RALY: variants seen among roughly 807,000 people sequenced by gnomAD.
RALY encodes the protein RNA-binding protein Raly.
Under a neutral mutation model 30.7 loss-of-function variants are expected in RALY, and 15 were observed. The ratio of observed to expected loss-of-function variants is 0.49; its 90% CI spans 0.33 to 0.75. RALY has a LOEUF of 0.75. Ranked by LOEUF, RALY falls within the 30% of genes least tolerant of loss-of-function variation. RALY has a pLI of 0.02. For missense variants in RALY, 339 were observed against 414.3 expected (o/e 0.82, Z 1.58); for synonymous variants, 177 against 170.8 (o/e 1.04, Z -0.28).
chr20:34,076,938 A>T (rs2033897389), intron 7 of RALY, 90 bp from the exon 8 acceptor site: 2 of 1,603,100 alleles, frequency 1.2e-6, no homozygotes, highest in Non-Finnish European at 1.7e-6. Flanking sequence ...TGCACTCACC[A>T]TGCTGAGGCC....
At chr20:34,053,383 ATTTT>A (rs60912814) in intron 2 of RALY, among the ~76,000 whole-genome samples, 59 of 54,138 alleles carry the variant, frequency 1.1e-3, no homozygotes, top group African/African-American at 2.0e-3. Flanking sequence ...ATGTTCAATA[ATTTT>A]TTTTTTTTTT....
chr20:34,025,056 G>A (rs547228876), intron 1 of RALY, among the ~76,000 whole-genome samples: 1 of 152,338 alleles, frequency 6.6e-6, no homozygotes, highest in South Asian at 2.1e-4. Context: ...CCTTTGCCCT[G>A]TGCCAGTCTT....
Position 34,078,390 on chromosome 20 carries a change from A to T in RALY, c.877-115A>T, listed in dbSNP as rs570692568. On this transcript the variant is annotated intron_variant, in intron 8 of 9. Coordinates refer to ENST00000246194, the MANE Select transcript of RALY (RefSeq NM_016732.3). ...CCCTTGGCTGTTCCTGCGTCTTCTGACTGTGTCCTCTAGATGCCCTCTGGA... is the reference window on the plus strand; with the variant it reads ...CCCTTGGCTGTTCCTGCGTCTTCTGTCTGTGTCCTCTAGATGCCCTCTGGA... 37 of 889,146 alleles carry T rather than the reference A, an allele frequency of 4.2e-5. No homozygotes were observed. In the South Asian group the frequency reaches 1.0e-3, roughly 24 times the overall value. The allele number at this position is 889,146 out of a possible 1,614,324, so 55.1% of individuals were successfully genotyped here. A position where few individuals can be genotyped will look rare whatever the true frequency, so the allele number is the denominator to read the frequency against.
intron 2 of RALY, among the ~76,000 whole-genome samples, chr20:34,067,899 A>G (rs143613431): frequency 6.6e-6 from 1 of 151,310 alleles, no homozygotes; most frequent in East Asian, 2.0e-4. Context: ...CCCCAAATGA[A>G]AAATGGAATA....
intron 1 of RALY, among the ~76,000 whole-genome samples, chr20:34,017,231 TTA>T (rs2123039315): frequency 6.8e-6 from 1 of 148,024 alleles, no homozygotes; most frequent in African/African-American, 2.5e-5. Context: ...CTCATTGTGT[TTA>T]TTTCTCCTTG....
At chr20:34,041,165 G>GT (rs1223528378) in intron 2 of RALY, among the ~76,000 whole-genome samples, 2 of 152,198 alleles carry the variant, frequency 1.3e-5, no homozygotes, top group African/African-American at 2.4e-5. Context: ...AATAGAGAGA[G>GT]TATTTCAAGC....
At chr20:34,008,287 G>A (rs981646521) in intron 1 of RALY, among the ~76,000 whole-genome samples, 1 of 152,158 alleles carries the variant, frequency 6.6e-6, no homozygotes, top group Non-Finnish European at 1.5e-5. Context: ...GATGCTGAAG[G>A]AATCTGGGGA....
intron 2 of RALY, among the ~76,000 whole-genome samples, chr20:34,035,024 G>GT (rs1355216640): frequency 6.6e-6 from 1 of 151,858 alleles, no homozygotes; most frequent in Non-Finnish European, 1.5e-5. Flanking sequence ...GTGGTGGCGG[G>GT]TGTCTGTAGT....
At chr20:34,012,342 A>G (rs2031435748) in intron 1 of RALY, among the ~76,000 whole-genome samples, 1 of 151,812 alleles carries the variant, frequency 6.6e-6, no homozygotes, top group African/African-American at 2.4e-5. Flanking sequence ...CATCAGATTG[A>G]CCTTATTTTA....
intron 1 of RALY, among the ~76,000 whole-genome samples, chr20:34,027,864 CAT>C (rs993973757): frequency 2.6e-5 from 4 of 152,340 alleles, no homozygotes; most frequent in Middle Eastern, 3.4e-3. Flanking sequence ...TTGATAAAAA[CAT>C]GTGATTATAA....
At chr20:33,995,010 T>C (rs2030540014) in intron 1 of RALY, among the ~76,000 whole-genome samples, 1 of 152,212 alleles carries the variant, frequency 6.6e-6, no homozygotes, top group African/African-American at 2.4e-5. Flanking sequence ...TGCCAGTACC[T>C]ATTATTTATT....
At chr20:34,066,894 G>A (rs2033588344) in intron 2 of RALY, among the ~76,000 whole-genome samples, 1 of 152,170 alleles carries the variant, frequency 6.6e-6, no homozygotes, top group Non-Finnish European at 1.5e-5. Flanking sequence ...ACAACTGTGA[G>A]GAATTGTAGT....
At chr20:34,073,492 G>A (rs2033789380) in intron 3 of RALY, 71 bp from the exon 4 acceptor site, 7 of 1,387,716 alleles carry the variant, frequency 5.0e-6, no homozygotes, top group Non-Finnish European at 7.2e-6. Flanking sequence ...TGCTGTGCGT[G>A]TGCATGAGGT....
intron 2 of RALY, among the ~76,000 whole-genome samples, chr20:34,052,275 G>C (rs912168712): frequency 3.9e-5 from 6 of 152,082 alleles, no homozygotes; most frequent in African/African-American, 1.4e-4. Context: ...ATTTAACCTT[G>C]GAGCCCCTTT....
chr20:34,004,097 A>C (rs1000697135), intron 1 of RALY, among the ~76,000 whole-genome samples: 1 of 152,232 alleles, frequency 6.6e-6, no homozygotes, highest in Non-Finnish European at 1.5e-5. Flanking sequence ...CATACTATGA[A>C]TTCTCACATA....
chr20:34,065,099 G>A lies in RALY; in HGVS notation c.-9-6967G>A, dbSNP rs544658990. 3 of 152,320 alleles carry A rather than the reference G, an allele frequency of 2.0e-5. No homozygotes were observed. In the South Asian group the frequency reaches 6.2e-4, roughly 32 times the overall value. The allele number at this position is 152,320 out of a possible 1,614,324, so 9.4% of individuals were successfully genotyped here. On this transcript the variant is annotated intron_variant, in intron 2 of 9. Transcript: ENST00000246194. Reference sequence around the variant, plus strand: ...AGTAGAGCAGAAGACTGGTGAGCACGGTGTTTCCCAGCATCTCCACAGTGC... The same window carrying A: ...AGTAGAGCAGAAGACTGGTGAGCACAGTGTTTCCCAGCATCTCCACAGTGC...
intron 6 of RALY, chr20:34,076,275 T>G (rs2033874798): frequency 1.7e-6 from 1 of 591,256 alleles, no homozygotes; most frequent in South Asian, 2.1e-5. Flanking sequence ...AGTGAAGAAA[T>G]GGTGCCATCT....
At chr20:34,071,665 A>C (rs1240245163) in intron 2 of RALY, among the ~76,000 whole-genome samples, 1 of 152,118 alleles carries the variant, frequency 6.6e-6, no homozygotes, top group South Asian at 2.1e-4. Flanking sequence ...AAGATCTTCA[A>C]ATTTAGATCC....
rs373621325 is a variant in RALY at position 34,024,001 on chromosome 20, C to T, written c.-92-7521C>T. 1.1e-3 allele frequency among the ~76,000 whole-genome samples: 162 copies of T among 152,120 alleles called. 2 individuals are homozygous for T. In the South Asian group the frequency reaches 0.021, roughly 19 times the overall value. ...GGATCACCTGAGATTATCAGGAGTT[C>T]GAGACCAGCCTGGCCAACATGGTCT... On this transcript the variant is annotated intron_variant, in intron 1 of 9. Coordinates refer to ENST00000246194, the MANE Select transcript of RALY (RefSeq NM_016732.3).
Sources: gnomAD v4.1 joint callset for allele counts (sites outside exome capture counted in the v4.1 genomes callset) on GRCh38, gnomAD v4.1.1 for gene constraint, MANE v1.5 for transcripts, NCBI Gene and HGNC (gene_info 2026-07-23, HGNC 2026-07-21) for gene names.